NKAIN2: variants seen among roughly 807,000 people sequenced by gnomAD.
NKAIN2 encodes the protein sodium/potassium-transporting ATPase subunit beta-1-interacting protein 2.
In NKAIN2, 14 loss-of-function variants were observed where a neutral mutation model predicts 32.6. The ratio of observed to expected loss-of-function variants is 0.43; its 90% confidence interval spans 0.28 to 0.67. The LOEUF (loss-of-function observed/expected upper bound fraction) is 0.67, where lower values mean the gene tolerates loss of function less well. Ranked by LOEUF, NKAIN2 falls within the 30% of genes least tolerant of loss-of-function variation. The pLI, the probability that NKAIN2 is intolerant of heterozygous loss-of-function variation, is 0.17. For missense variants in NKAIN2, 198 were observed against 258.3 expected (o/e 0.77, Z 1.60); for synonymous variants, 80 against 87.2 (o/e 0.92, Z 0.46).
At chr6:123,986,234 A>G (rs1779129904) in intron 1 of NKAIN2, among the ~76,000 whole-genome samples, 1 of 152,150 alleles carries the variant, frequency 6.6e-6, no homozygotes, top group African/African-American at 2.4e-5. Flanking sequence ...TGAAAGAGAC[A>G]AATACAGTGA....
chr6:124,149,616 T>C (rs2146252), intron 1 of NKAIN2, among the ~76,000 whole-genome samples: 123,994 of 152,196 alleles, frequency 0.81, 51,213 homozygotes, highest in Non-Finnish European at 0.88. Context: ...TTCTGAACTC[T>C]TGATTTAATT....
chr6:123,920,199 A>C (rs142418265), intron 1 of NKAIN2, among the ~76,000 whole-genome samples: 4 of 152,258 alleles, frequency 2.6e-5, no homozygotes, highest in Admixed American at 2.0e-4. Flanking sequence ...TGTTCTTGCA[A>C]AGTGGTTTTA....
intron 3 of NKAIN2, among the ~76,000 whole-genome samples, chr6:124,523,399 A>G (rs1293679596): frequency 6.6e-6 from 1 of 151,834 alleles, no homozygotes; most frequent in Non-Finnish European, 1.5e-5. Flanking sequence ...CCTTGGGAGG[A>G]GCCATGTTGA....
At chr6:124,348,215 C>G (rs1175245656) in intron 2 of NKAIN2, among the ~76,000 whole-genome samples, 1 of 152,042 alleles carries the variant, frequency 6.6e-6, no homozygotes, top group Non-Finnish European at 1.5e-5. Flanking sequence ...CAGAGTTGTA[C>G]CCGGCTGTGT....
chr6:124,817,774 T>C (rs1260419353), intron 5 of NKAIN2, among the ~76,000 whole-genome samples: 1 of 152,234 alleles, frequency 6.6e-6, no homozygotes, highest in African/African-American at 2.4e-5. Context: ...TCTTATTGTA[T>C]CTTACATTGC....
intron 1 of NKAIN2, among the ~76,000 whole-genome samples, chr6:123,914,325 A>G (rs1316212045): frequency 6.6e-6 from 1 of 151,772 alleles, no homozygotes; most frequent in African/African-American, 2.4e-5. Context: ...GGGAGAAAAG[A>G]TGAGAGAGAG....
chr6:123,805,580 G>A (rs1262478448), intron 1 of NKAIN2, among the ~76,000 whole-genome samples: 1 of 152,052 alleles, frequency 6.6e-6, no homozygotes, highest in Non-Finnish European at 1.5e-5. Flanking sequence ...TCAGAATGTG[G>A]TAGTTTCTCA....
chr6:124,150,962 T>A (rs1017086408), intron 1 of NKAIN2, among the ~76,000 whole-genome samples: 7 of 152,112 alleles, frequency 4.6e-5, no homozygotes, highest in African/African-American at 1.4e-4. Flanking sequence ...GTAATTGTTT[T>A]TCTGTAAAAT....
At chr6:124,128,477 G>A (rs1222602939) in intron 1 of NKAIN2, among the ~76,000 whole-genome samples, 1 of 152,150 alleles carries the variant, frequency 6.6e-6, no homozygotes, top group African/African-American at 2.4e-5. Context: ...TGTGTCATGT[G>A]CCTGGCCTAA....
chr6:124,262,019 G>C (rs2753139), intron 1 of NKAIN2, among the ~76,000 whole-genome samples: 2 of 151,632 alleles, frequency 1.3e-5, no homozygotes, highest in African/African-American at 2.4e-5. Context: ...CTGAAAATTT[G>C]CGTGTGCCAC....
chr6:123,916,422 G>T lies in NKAIN2; in HGVS notation c.54+112168G>T, dbSNP rs531742864. Among the ~76,000 whole-genome samples the T allele has an allele frequency of 8.2e-4, 124 of 151,962 alleles. No individual in the cohort carries two copies. The South Asian group carries it at 0.023, about 28-fold the overall frequency. On this transcript the variant is annotated intron_variant, in intron 1 of 6. Transcript: ENST00000368417. The stretch of plus-strand genomic sequence containing the variant: ...TGGGATTAAAGCCATCATCATACCT[G>T]GCTAATTTTTTTTGTATTTTTAGTA...
chr6:123,978,740 C>G lies in NKAIN2; in HGVS notation c.54+174486C>G, dbSNP rs143788421. 1.1e-4 allele frequency among the ~76,000 whole-genome samples: 16 copies of G among 152,184 alleles called. No individual in the cohort carries two copies. In the East Asian group the frequency reaches 3.1e-3, roughly 29 times the overall value. The stretch of plus-strand genomic sequence containing the variant: ...ACACATATTAGACACTCACATATAT[C>G]TTGTTAAGGCTTATTTTCAACTGGT... On this transcript the variant is annotated intron_variant, in intron 1 of 6. Coordinates refer to ENST00000368417, the MANE Select transcript of NKAIN2 (RefSeq NM_001040214.3).
chr6:123,952,454 C>A (rs1020046850), intron 1 of NKAIN2, among the ~76,000 whole-genome samples: 6 of 152,054 alleles, frequency 3.9e-5, no homozygotes, highest in African/African-American at 7.2e-5. Context: ...AAGTTTACAA[C>A]GATTTTATTA....
chr6:124,084,691 A>G (rs1053958149), intron 1 of NKAIN2, among the ~76,000 whole-genome samples: 2 of 152,032 alleles, frequency 1.3e-5, no homozygotes, highest in Non-Finnish European at 2.9e-5. Context: ...CTTGTAGAAA[A>G]CAAGTCTTAG....
intron 1 of NKAIN2, among the ~76,000 whole-genome samples, chr6:124,159,651 T>A (rs896056522): frequency 1.1e-4 from 17 of 152,148 alleles, no homozygotes; most frequent in Non-Finnish European, 8.8e-5. Context: ...AAAACTAAAT[T>A]ATATCCGAGT....
chr6:124,282,020 G>C (rs1462640886), intron 1 of NKAIN2, among the ~76,000 whole-genome samples: 3 of 152,134 alleles, frequency 2.0e-5, no homozygotes, highest in African/African-American at 7.2e-5. Context: ...CATCCCCCCT[G>C]AGGGCAGGCA....
rs61167962 is a variant in NKAIN2 at position 124,250,180 on chromosome 6, T to G, written c.55-32825T>G. ...GGCCATTTATAAATCAGAACATGGG[T>G]ACTCACCAAACATTAGATCTGCTGG... On this transcript the variant is annotated intron_variant, in intron 1 of 6. Coordinates refer to ENST00000368417, the MANE Select transcript of NKAIN2 (RefSeq NM_001040214.3). Among the ~76,000 whole-genome samples the G allele has an allele frequency of 2.9e-3, 440 of 152,228 alleles. 12 individuals are homozygous for G. The East Asian group carries it at 0.074, about 26-fold the overall frequency.
intron 3 of NKAIN2, among the ~76,000 whole-genome samples, chr6:124,435,953 T>C (rs894660488): frequency 6.6e-6 from 1 of 152,166 alleles, no homozygotes; most frequent in African/African-American, 2.4e-5. Context: ...TTTATAACGT[T>C]TAAATTCAGA....
chr6:123,846,077 A>G (rs1562215517), intron 1 of NKAIN2, among the ~76,000 whole-genome samples: 1 of 152,116 alleles, frequency 6.6e-6, no homozygotes, highest in African/African-American at 2.4e-5. Context: ...TGAATGTTTT[A>G]TATGCATCTT....
Sources: gnomAD v4.1 joint callset for allele counts (sites outside exome capture counted in the v4.1 genomes callset) on GRCh38, gnomAD v4.1.1 for gene constraint, MANE v1.5 for transcripts, NCBI Gene and HGNC (gene_info 2026-07-23, HGNC 2026-07-21) for gene names.